ZNF710: variants seen among roughly 807,000 people sequenced by gnomAD.
ZNF710 encodes the protein zinc finger protein 710.
ZNF710 carries 13 observed loss-of-function variants against 50.6 expected under a neutral mutation model. The observed-to-expected ratio is 0.26, with a 90% CI of 0.17 to 0.41. ZNF710 has a LOEUF of 0.41. Among genes scored for constraint, ZNF710 ranks in the 10% least tolerant of loss-of-function variants. The pLI, the probability that ZNF710 is intolerant of heterozygous loss-of-function variation, is 1.00. For synonymous variants in ZNF710, 383 were observed against 397.0 expected (o/e 0.96, Z 0.42); for missense variants, 721 against 936.6 (o/e 0.77, Z 3.01).
At chr15:90,073,956 C>T (rs1397669084) in intron 3 of ZNF710, among the ~76,000 whole-genome samples, 160 bp from the exon 4 acceptor site, 1 of 146,224 alleles carries the variant, frequency 6.8e-6, no homozygotes, top group Non-Finnish European at 1.5e-5. Flanking sequence ...TGCCACTGCA[C>T]TCCAGCCTGG....
At chr15:90,033,506 C>T (rs752468646) in intron 1 of ZNF710, among the ~76,000 whole-genome samples, 12 of 152,270 alleles carry the variant, frequency 7.9e-5, no homozygotes, top group South Asian at 4.2e-4. Context: ...CTAGGCTAGC[C>T]GGCTACTCCA....
Position 90,059,838 on chromosome 15 carries a change from G to C in ZNF710, c.-28-7272G>C, listed in dbSNP as rs886136555. 6.6e-6 allele frequency among the ~76,000 whole-genome samples: 1 copy of C among 152,204 alleles called. No homozygotes were observed. Among genetic ancestry groups the C allele is most frequent in the Non-Finnish European group, 1.5e-5 (1 of 68,020 alleles). On this transcript the variant is annotated intron_variant, in intron 1 of 4. Coordinates refer to ENST00000268154, the MANE Select transcript of ZNF710 (RefSeq NM_198526.4). The surrounding 1 kb of genome is among the most constrained non-coding windows in gnomAD (Gnocchi z 4.1). The stretch of plus-strand genomic sequence containing the variant: ...AACCAAGAGGCTGGTTTCCTTAGGC[G>C]GTGAAATCCCGTGCATGTTTTTCAC...
intron 1 of ZNF710, among the ~76,000 whole-genome samples, chr15:90,006,475 C>CCGTCCT: frequency 6.6e-6 from 1 of 152,276 alleles, no homozygotes; most frequent in African/African-American, 2.4e-5. Context: ...TGTGCAGGTC[C>CCGTCCT]CGTCCTCGTG....
chr15:90,076,961 G>A (rs1900605308), intron 4 of ZNF710, among the ~76,000 whole-genome samples: 1 of 152,260 alleles, frequency 6.6e-6, no homozygotes, highest in South Asian at 2.1e-4. Flanking sequence ...ACAGAAGGAA[G>A]CGATTGGCCC....
At chr15:90,050,013 G>A (rs978061118) in intron 1 of ZNF710, among the ~76,000 whole-genome samples, 3 of 152,228 alleles carry the variant, frequency 2.0e-5, no homozygotes, top group Admixed American at 6.5e-5. Flanking sequence ...GGCTTTGCGC[G>A]CTGCTCCTGC....
intron 1 of ZNF710, among the ~76,000 whole-genome samples, chr15:90,051,771 C>G (rs16943844): frequency 0.13 from 20,295 of 152,124 alleles, 1,807 homozygotes; most frequent in African/African-American, 0.24. Flanking sequence ...TCTGTAAATA[C>G]GTTTTGTTGT....
chr15:90,044,504 C>G (rs11639237), intron 1 of ZNF710, among the ~76,000 whole-genome samples: 6 of 152,178 alleles, frequency 3.9e-5, no homozygotes, highest in Admixed American at 1.3e-4. Context: ...AAATAAGGGG[C>G]CCGCCACCTT....
intron 1 of ZNF710, among the ~76,000 whole-genome samples, chr15:90,028,961 GAGA>G (rs1371154936): frequency 5.3e-5 from 8 of 152,234 alleles, no homozygotes; most frequent in African/African-American, 1.7e-4. Context: ...GCATTAGGGT[GAGA>G]AGGAGTATTC....
At chr15:90,044,626 T>G (rs1899405318) in intron 1 of ZNF710, among the ~76,000 whole-genome samples, 1 of 152,190 alleles carries the variant, frequency 6.6e-6, no homozygotes, top group Non-Finnish European at 1.5e-5. Flanking sequence ...TCACTCAGGT[T>G]TTCCTAAATT....
intron 1 of ZNF710, among the ~76,000 whole-genome samples, chr15:90,026,578 C>G (rs1369931959): frequency 6.6e-6 from 1 of 152,000 alleles, no homozygotes; most frequent in East Asian, 1.9e-4. Flanking sequence ...GTTCATTCTA[C>G]AAAGCAAAAT....
intron 1 of ZNF710, among the ~76,000 whole-genome samples, chr15:90,061,755 G>A (rs1198308834): frequency 6.6e-6 from 1 of 152,166 alleles, no homozygotes; most frequent in African/African-American, 2.4e-5. Context: ...TCACAGCTTG[G>A]GGAAGGGACC....
chr15:90,064,233 T>C (rs1415256647), intron 1 of ZNF710, among the ~76,000 whole-genome samples: 2 of 152,230 alleles, frequency 1.3e-5, no homozygotes, highest in African/African-American at 4.8e-5. Context: ...TGGAGGGCAC[T>C]GGGGGTGGCT....
rs891312168 is a variant in ZNF710 at position 90,059,954 on chromosome 15, C to T, written c.-28-7156C>T. 6.6e-5 allele frequency among the ~76,000 whole-genome samples: 10 copies of T among 152,324 alleles called. No homozygotes were observed. Among genetic ancestry groups the T allele is most frequent in the African/African-American group, 2.2e-4 (9 of 41,578 alleles). On this transcript the variant is annotated intron_variant, in intron 1 of 4. Coordinates refer to ENST00000268154, the MANE Select transcript of ZNF710 (RefSeq NM_198526.4). This position sits in a 1 kb window ranked among gnomAD's most constrained non-coding sequence, Gnocchi z 4.1. Reference sequence around the variant, plus strand: ...GCTTCAGCCTCTCCAGCCCCAGGGCCCTGGACTCCAAGGGGCAAAAGGCCC... The same window carrying T: ...GCTTCAGCCTCTCCAGCCCCAGGGCTCTGGACTCCAAGGGGCAAAAGGCCC...
At chr15:90,018,977 T>C (rs145332843) in intron 1 of ZNF710, among the ~76,000 whole-genome samples, 1 of 148,942 alleles carries the variant, frequency 6.7e-6, no homozygotes, top group Non-Finnish European at 1.5e-5. Context: ...TTCCTTTTGT[T>C]TTTTAGAAAA....
At position 90,073,145 on chromosome 15, in the gene ZNF710, G is replaced by C; in HGVS notation, c.1533G>C (p.Leu511=). 6.2e-7 allele frequency: 1 copy of C among 1,614,168 alleles called. No individual in the cohort carries two copies. The change falls in exon 3 of 5, where the codon CTG becomes CTC. Residue 511 remains leucine, a synonymous_variant. Transcript: ENST00000268154. ...TLQANMKRHM[L]IHTSVRPYQC... Reference sequence around the variant, plus strand: ...AGGCGAACATGAAGCGGCACATGCTGATCCACACCAGCGTCCGGCCCTACC... The same window carrying C: ...AGGCGAACATGAAGCGGCACATGCTCATCCACACCAGCGTCCGGCCCTACC...
rs1293228036 is a variant in ZNF710 at position 90,001,634 on chromosome 15, C to T, written c.-29+20C>T. The T allele has an allele frequency of 6.9e-6, 1 of 144,116 alleles. No homozygotes were observed. Among genetic ancestry groups the T allele is most frequent in the Non-Finnish European group, 1.5e-5 (1 of 64,668 alleles). The allele number at this position is 144,116 out of a possible 1,614,324, so 8.9% of individuals were successfully genotyped here. A position where few individuals can be genotyped will look rare whatever the true frequency, so the allele number is the denominator to read the frequency against. On this transcript the variant is annotated intron_variant, in intron 1 of 4. Transcript: ENST00000268154. ...CCCAGGGTGAGTGTCCCGCGCGGCC[C>T]CCCGCCCCAGCCCCAGCCCCAGCCC...
At chr15:90,021,775 G>A (rs144565588) in intron 1 of ZNF710, among the ~76,000 whole-genome samples, 1 of 152,312 alleles carries the variant, frequency 6.6e-6, no homozygotes, top group African/African-American at 2.4e-5. Context: ...GTGTCTAGCT[G>A]AGTCCTAGCA....
At chr15:90,024,301 G>T (rs1292582928) in intron 1 of ZNF710, among the ~76,000 whole-genome samples, 1 of 152,188 alleles carries the variant, frequency 6.6e-6, no homozygotes, top group Non-Finnish European at 1.5e-5. Context: ...CCCCGGTCAG[G>T]ATGCTCTTCC....
chr15:90,050,533 G>T (rs530337917), intron 1 of ZNF710, among the ~76,000 whole-genome samples: 1 of 152,256 alleles, frequency 6.6e-6, no homozygotes, highest in African/African-American at 2.4e-5. Context: ...CAACCTTTGG[G>T]TAATAAACAC....
Sources: gnomAD v4.1 joint callset for allele counts (sites outside exome capture counted in the v4.1 genomes callset) on GRCh38, gnomAD v4.1.1 for gene constraint, Gnocchi (gnomAD v3.1) non-coding constraint, MANE v1.5 for transcripts, NCBI Gene and HGNC (gene_info 2026-07-23, HGNC 2026-07-21) for gene names.